The following GPC5 variants were observed in gnomAD, a reference collection of about 807,000 sequenced individuals.
GPC5 encodes the protein glypican 5.
Under a neutral mutation model 53.9 loss-of-function variants are expected in GPC5, and 47 were observed. The ratio of observed to expected loss-of-function variants is 0.87; its 90% CI spans 0.69 to 1.11. The LOEUF (loss-of-function observed/expected upper bound fraction) is 1.11, where lower values mean the gene tolerates loss of function less well. GPC5 is among the 50% of genes most tolerant of loss of function. The pLI is 0.00. For missense variants in GPC5, 748 were observed against 713.1 expected, an observed-to-expected ratio of 1.05 and a Z score of -0.56; for synonymous variants, 286 against 263.3, an observed-to-expected ratio of 1.09 and a Z score of -0.84.
rs146363333 is a variant in GPC5 at position 92,472,854 on chromosome 13, T to C, written c.1561+327865T>C. ...ACAATATAATTGTGACTCTGAAGAG[T>C]GTGAAATTAAAATCTTAAGAAGTAT... On this transcript the variant is annotated intron_variant, in intron 7 of 7. Transcript: ENST00000377067. 1.2e-3 allele frequency among the ~76,000 whole-genome samples: 189 copies of C among 152,106 alleles called. 4 individuals carry two copies. In the East Asian group the frequency reaches 0.034, roughly 27 times the overall value.
At chr13:92,196,098 A>G (rs574748860) in intron 7 of GPC5, among the ~76,000 whole-genome samples, 25 of 152,106 alleles carry the variant, frequency 1.6e-4, no homozygotes, top group African/African-American at 5.8e-4. Flanking sequence ...TTTCATTAAT[A>G]TTATCTTCAA....
chr13:91,704,142 TA>T (rs1199771264), intron 3 of GPC5, among the ~76,000 whole-genome samples: 3 of 152,180 alleles, frequency 2.0e-5, no homozygotes, highest in African/African-American at 7.2e-5. Context: ...GGCTTGTATC[TA>T]TTAATATGTA....
At chr13:91,435,774 C>T (rs1879891056) in intron 1 of GPC5, among the ~76,000 whole-genome samples, 1 of 152,186 alleles carries the variant, frequency 6.6e-6, no homozygotes, top group Admixed American at 6.5e-5. Flanking sequence ...ACCAGCTCCT[C>T]CTTGTTCCTC....
intron 7 of GPC5, among the ~76,000 whole-genome samples, chr13:92,544,796 T>C (rs1461560833): frequency 6.6e-6 from 1 of 152,126 alleles, no homozygotes; most frequent in African/African-American, 2.4e-5. Flanking sequence ...GAAATTTAGT[T>C]TCCACATTAT....
intron 1 of GPC5, among the ~76,000 whole-genome samples, chr13:91,430,419 C>G (rs191537948): frequency 1.3e-5 from 2 of 152,246 alleles, no homozygotes; most frequent in Admixed American, 1.3e-4. Context: ...GACTCTTAAG[C>G]CAATAAAGTC....
intron 2 of GPC5, among the ~76,000 whole-genome samples, chr13:91,562,602 C>T (rs557784102): frequency 6.0e-5 from 9 of 150,112 alleles, no homozygotes; most frequent in South Asian, 2.1e-4. Flanking sequence ...TACAGGCATG[C>T]GCCATGATGC....
At chr13:92,729,890 C>A (rs2139297762) in intron 7 of GPC5, among the ~76,000 whole-genome samples, 1 of 151,162 alleles carries the variant, frequency 6.6e-6, no homozygotes, top group Non-Finnish European at 1.5e-5. Context: ...TGGTTGGTCA[C>A]CTCAAAAAAA....
intron 2 of GPC5, among the ~76,000 whole-genome samples, chr13:91,494,714 T>A (rs80289415): frequency 2.2e-4 from 34 of 152,270 alleles, no homozygotes; most frequent in African/African-American, 7.7e-4. Flanking sequence ...TGATCACTCC[T>A]TCTCTTTGAA....
intron 7 of GPC5, among the ~76,000 whole-genome samples, chr13:92,573,149 C>T (rs1883084802): frequency 6.6e-6 from 1 of 152,132 alleles, no homozygotes; most frequent in Admixed American, 6.5e-5. Flanking sequence ...ACTATCTCTC[C>T]CTCAAACTTT....
At chr13:91,868,290 G>A (rs957539275) in intron 5 of GPC5, among the ~76,000 whole-genome samples, 2 of 152,152 alleles carry the variant, frequency 1.3e-5, no homozygotes, top group Admixed American at 6.6e-5. Context: ...GTAAGATGAA[G>A]CCAGAAAATG....
intron 7 of GPC5, among the ~76,000 whole-genome samples, chr13:92,805,214 C>T (rs975177162): frequency 1.4e-4 from 21 of 152,004 alleles, no homozygotes; most frequent in African/African-American, 4.8e-4. Context: ...TTTCTATTTA[C>T]TTTTCCAGAT....
chr13:92,049,842 GA>G (rs1231940699), intron 6 of GPC5, among the ~76,000 whole-genome samples: 1 of 151,914 alleles, frequency 6.6e-6, no homozygotes, highest in Non-Finnish European at 1.5e-5. Context: ...AGGAAATGAA[GA>G]AATCTAAAAA....
chr13:91,883,976 T>C (rs1428125743), intron 5 of GPC5, among the ~76,000 whole-genome samples: 1 of 151,960 alleles, frequency 6.6e-6, no homozygotes, highest in Non-Finnish European at 1.5e-5. Flanking sequence ...GACATACATG[T>C]AACCAACAAA....
At chr13:92,787,249 T>C (rs1414950781) in intron 7 of GPC5, among the ~76,000 whole-genome samples, 14 of 152,042 alleles carry the variant, frequency 9.2e-5, no homozygotes, top group Non-Finnish European at 1.9e-4. Flanking sequence ...TGGAAGATGA[T>C]AGAGGAATTG....
intron 7 of GPC5, among the ~76,000 whole-genome samples, chr13:92,554,907 T>TA (rs1882440078): frequency 6.6e-6 from 1 of 150,440 alleles, no homozygotes; most frequent in Non-Finnish European, 1.5e-5. Context: ...GTATTTTTTT[T>TA]ACCACTTCAT....
intron 6 of GPC5, among the ~76,000 whole-genome samples, chr13:91,963,430 T>C (rs1424176970): frequency 1.3e-5 from 2 of 152,206 alleles, no homozygotes; most frequent in Non-Finnish European, 2.9e-5. Context: ...CATAAGGGAA[T>C]GTGTAGCAGC....
intron 5 of GPC5, among the ~76,000 whole-genome samples, chr13:91,892,196 A>G (rs2039393919): frequency 6.6e-6 from 1 of 151,974 alleles, no homozygotes; most frequent in African/African-American, 2.4e-5. Flanking sequence ...TTTTGAAACA[A>G]TAACATATCT....
At chr13:92,703,052 ATATTTATTTATTTATTTATTTATT>A (rs138015246) in intron 7 of GPC5, among the ~76,000 whole-genome samples, 1 of 145,772 alleles carries the variant, frequency 6.9e-6, no homozygotes, top group Non-Finnish European at 1.5e-5. Flanking sequence ...GCATATATAT[ATATTTATTTATTTATTTATTTATT>A]TATTTATTTA....
intron 7 of GPC5, among the ~76,000 whole-genome samples, chr13:92,666,784 C>G (rs141280368): frequency 4.1e-4 from 63 of 152,280 alleles, no homozygotes; most frequent in African/African-American, 1.3e-3. Context: ...CTTAAATTTC[C>G]AGTACTGCAC....
Sources: gnomAD v4.1 joint callset for allele counts (sites outside exome capture counted in the v4.1 genomes callset) on GRCh38, gnomAD v4.1.1 for gene constraint, MANE v1.5 for transcripts, NCBI Gene and HGNC (gene_info 2026-07-23, HGNC 2026-07-21) for gene names.